NOTCH2NLR: variants seen among roughly 807,000 people sequenced by gnomAD.
NOTCH2NLR encodes notch 2 N-terminal like R (pseudogene).
A neutral mutation model predicts 35.6 loss-of-function variants in NOTCH2NLR; 33 were observed. That is an observed-to-expected ratio of 0.93 (90% CI 0.70 to 1.24). The LOEUF is 1.24. NOTCH2NLR is among the 50% of genes most tolerant of loss of function. NOTCH2NLR has a pLI of 0.00. For missense variants in NOTCH2NLR, 276 were observed against 362.2 expected (o/e 0.76, Z 1.93); for synonymous variants, 103 against 141.0 (o/e 0.73, Z 1.91).
At chr1:120,792,863 G>T (rs2101471118) in intron 3 of NOTCH2NLR, among the ~76,000 whole-genome samples, 1 of 58,222 alleles carries the variant, frequency 1.7e-5, no homozygotes, top group South Asian at 3.9e-4. Flanking sequence ...AGAGTAGATG[G>T]ATCCAGACTC....
In NOTCH2NLR at chr1:120,733,149, G is replaced by A. The variant is rs1195565734; in HGVS notation, c.73+8899G>A. The stretch of plus-strand genomic sequence containing the variant: ...TATATATATGTTTAGTTTATGAACA[G>A]ATCTACATATATATATATATGCACA... On this transcript the variant is annotated intron_variant, in intron 1 of 4. Coordinates refer to ENST00000624419, the Ensembl canonical transcript of NOTCH2NLR. 1.0e-4 allele frequency among the ~76,000 whole-genome samples: 11 copies of A among 104,822 alleles called. 5 individuals are homozygous for A. Among genetic ancestry groups the A allele is most frequent in the African/African-American group, 6.5e-4 (11 of 16,838 alleles). 68.8% of individuals were successfully genotyped at this position (104,822 alleles called of 152,430 possible). A position where few individuals can be genotyped will look rare whatever the true frequency, so the allele number is the denominator to read the frequency against.
At chr1:120,727,806 T>C (rs1650831850) in intron 1 of NOTCH2NLR, among the ~76,000 whole-genome samples, 1 of 117,346 alleles carries the variant, frequency 8.5e-6, no homozygotes, top group Admixed American at 8.1e-5. Context: ...TGTTTTTGTT[T>C]CCCCCCCTTT....
chr1:120,759,720 A>G lies in NOTCH2NLR; in HGVS notation c.74-3908A>G, dbSNP rs1209834180. 8.5e-4 allele frequency among the ~76,000 whole-genome samples: 96 copies of G among 113,172 alleles called. 17 individuals carry two copies. The highest frequency in any genetic ancestry group is 3.8e-3 in the Admixed American group (44 of 11,718). 74.2% of individuals were successfully genotyped at this position (113,172 alleles called of 152,430 possible). A position where few individuals can be genotyped will look rare whatever the true frequency, so the allele number is the denominator to read the frequency against. ...CTTTTTTTAAAAATTAGAATTGTCA[A>G]TTTATAGTTGTATACATTTATAGGG... is the stretch of plus-strand genomic sequence containing the variant. On this transcript the variant is annotated intron_variant, in intron 1 of 4. Coordinates refer to ENST00000624419, the Ensembl canonical transcript of NOTCH2NLR.
chr1:120,777,880 T>C lies in NOTCH2NLR; in HGVS notation c.156-7094T>C, dbSNP rs1323860009. ...AGCCCATCAGACCTCAGCCAGGAGG[T>C]ACTGAAAGGAGGGAGACCAGTGAGT... On this transcript the variant is annotated intron_variant, in intron 2 of 4. Coordinates refer to ENST00000624419, the Ensembl canonical transcript of NOTCH2NLR. 7.6e-5 allele frequency among the ~76,000 whole-genome samples: 8 copies of C among 105,218 alleles called. 3 individuals carry two copies. The highest frequency in any genetic ancestry group is 1.4e-4 in the Non-Finnish European group (8 of 56,864). 69.0% of individuals were successfully genotyped at this position (105,218 alleles called of 152,430 possible).
rs1651161164 is a variant in NOTCH2NLR at position 120,763,983 on chromosome 1, T to C, written c.155+274T>C. Reference sequence around the variant, plus strand: ...TATGGGGTAGACCAGGCATGGTGGCTCATGCTGGTAATCCCAGCACTTCAG... The same window carrying C: ...TATGGGGTAGACCAGGCATGGTGGCCCATGCTGGTAATCCCAGCACTTCAG... On this transcript the variant is annotated intron_variant, in intron 2 of 4. Transcript: ENST00000624419. Among the ~76,000 whole-genome samples, 3 of 114,206 alleles carry C rather than the reference T, an allele frequency of 2.6e-5. 1 individual carries two copies. 74.9% of individuals were successfully genotyped at this position (114,206 alleles called of 152,430 possible). A position where few individuals can be genotyped will look rare whatever the true frequency, so the allele number is the denominator to read the frequency against.
chr1:120,748,179 CAG>C (rs1354238061), intron 1 of NOTCH2NLR, among the ~76,000 whole-genome samples: 1 of 19,676 alleles, frequency 5.1e-5, no homozygotes, highest in African/African-American at 5.7e-4. Flanking sequence ...CTAGAAATGA[CAG>C]AGCAGTAGAA....
At chr1:120,770,522 A>G (rs1651251109) in intron 2 of NOTCH2NLR, among the ~76,000 whole-genome samples, 1 of 116,718 alleles carries the variant, frequency 8.6e-6, no homozygotes, top group East Asian at 2.1e-4. Context: ...CCTGATTCCT[A>G]TTAACAATTG....
At chr1:120,793,085 ATGTCAATGAGGTAT>A in intron 3 of NOTCH2NLR, 62 bp from the exon 4 acceptor site, 1 of 671,106 alleles carries the variant, frequency 1.5e-6, no homozygotes, top group Non-Finnish European at 2.5e-6. Flanking sequence ...GAGCTCGCTG[ATGTCAATGAGGTAT>A]TGAGGATGGG....
rs1358142813 is a variant in NOTCH2NLR, at chr1:120,756,067, A to AT, written c.74-7552dup. 2.2e-4 allele frequency among the ~76,000 whole-genome samples: 24 copies of AT among 108,036 alleles called. 4 individuals are homozygous for AT. The highest frequency in any genetic ancestry group is 3.1e-4 in the Non-Finnish European group (18 of 57,994). 70.9% of individuals were successfully genotyped at this position (108,036 alleles called of 152,430 possible). On this transcript the variant is annotated intron_variant, in intron 1 of 4. Transcript: ENST00000624419. ...TTCCGCACTTCTTCTGTTTGTTTGGATTTTTTTTTCATGGCTTGATCCCAA... is the reference window on the plus strand; with the variant it reads ...TTCCGCACTTCTTCTGTTTGTTTGGATTTTTTTTTTCATGGCTTGATCCCAA...
exon 5 of NOTCH2NLR, chr1:120,793,852 T>A: frequency 1.7e-6 from 1 of 587,396 alleles, no homozygotes; most frequent in Middle Eastern, 2.6e-4. Context: ...GTATGTGTGG[T>A]TAATAAAGTG....
chr1:120,791,401 T>C (rs1306429326), intron 3 of NOTCH2NLR, among the ~76,000 whole-genome samples: 1 of 108,454 alleles, frequency 9.2e-6, no homozygotes, highest in Non-Finnish European at 1.7e-5. Context: ...CCAGCCCAAA[T>C]GTCCATCAAT....
Position 120,766,628 on chromosome 1 carries a change from C to T in NOTCH2NLR, c.155+2919C>T, listed in dbSNP as rs1203766857. Among the ~76,000 whole-genome samples, 2 of 14,514 alleles carry T rather than the reference C, an allele frequency of 1.4e-4. 1 individual carries two copies. Among genetic ancestry groups the T allele is most frequent in the Non-Finnish European group, 2.2e-4 (2 of 9,108 alleles). The allele number at this position is 14,514 out of a possible 152,430, so 9.5% of individuals were successfully genotyped here. The stretch of plus-strand genomic sequence containing the variant: ...TTGCACCACTGCACTCCAGCCTGAG[C>T]GACAGAGCGAGACTGTGTTTCCAAA... On this transcript the variant is annotated intron_variant, in intron 2 of 4. Transcript: ENST00000624419.
intron 2 of NOTCH2NLR, among the ~76,000 whole-genome samples, chr1:120,770,731 T>C (rs1651254342): frequency 8.4e-6 from 1 of 119,252 alleles, no homozygotes; most frequent in Non-Finnish European, 1.6e-5. Context: ...AAATGTACTG[T>C]CACCTTGAGT....
chr1:120,724,816 C>T (rs1306003357), intron 1 of NOTCH2NLR, among the ~76,000 whole-genome samples: 3 of 94,640 alleles, frequency 3.2e-5, no homozygotes, highest in East Asian at 4.7e-4. Flanking sequence ...CCAACCCCAC[C>T]GAAAGTCCGG....
intron 2 of NOTCH2NLR, among the ~76,000 whole-genome samples, chr1:120,768,974 T>G (rs1651226049): frequency 1.0e-5 from 1 of 97,910 alleles, no homozygotes; most frequent in Non-Finnish European, 2.0e-5. Flanking sequence ...AGGTAAATTA[T>G]TATAAATATA....
Position 120,745,244 on chromosome 1 carries a change from G to T in NOTCH2NLR, c.74-18384G>T, listed in dbSNP as rs1267055228. Among the ~76,000 whole-genome samples the T allele has an allele frequency of 3.7e-5, 4 of 108,358 alleles. 1 individual carries two copies. Among genetic ancestry groups the T allele is most frequent in the Non-Finnish European group, 7.0e-5 (4 of 57,516 alleles). 71.1% of individuals were successfully genotyped at this position (108,358 alleles called of 152,430 possible). ...TAAACTGCAGATCATGACCACGAAT[G>T]GGTCATGAAACCAATTTGGTAGGTC... On this transcript the variant is annotated intron_variant, in intron 1 of 4. Transcript: ENST00000624419.
chr1:120,735,230 A>AT (rs1304605324), intron 1 of NOTCH2NLR, among the ~76,000 whole-genome samples: 1 of 54,410 alleles, frequency 1.8e-5, no homozygotes, highest in Non-Finnish European at 3.3e-5. Flanking sequence ...CGCCTGGCTA[A>AT]TTTTTTGTAG....
chr1:120,777,754 G>T (rs1651315056), intron 2 of NOTCH2NLR, among the ~76,000 whole-genome samples: 1 of 96,440 alleles, frequency 1.0e-5, no homozygotes, highest in Non-Finnish European at 1.9e-5. Flanking sequence ...CTCTTTACCA[G>T]GAAGTTAACT....
In NOTCH2NLR at chr1:120,727,422, G is replaced by A. The variant is rs1255045631; in HGVS notation, c.73+3172G>A. On this transcript the variant is annotated intron_variant, in intron 1 of 4. Coordinates refer to ENST00000624419, the Ensembl canonical transcript of NOTCH2NLR. ...AAGAATTTTAAAATTGCTAACATAA[G>A]AGATATAGAATATAATGTCATTTCT... Among the ~76,000 whole-genome samples the A allele has an allele frequency of 8.9e-4, 104 of 116,406 alleles. 43 individuals carry two copies. Among genetic ancestry groups the A allele is most frequent in the African/African-American group, 5.2e-3 (102 of 19,680 alleles). The allele number at this position is 116,406 out of a possible 152,430, so 76.4% of individuals were successfully genotyped here.
Sources: allele counts gnomAD v4.1 joint callset (sites outside exome capture counted in the v4.1 genomes callset), GRCh38; gene constraint gnomAD v4.1.1; transcripts MANE v1.5; gene names NCBI Gene and HGNC (gene_info 2026-07-23, HGNC 2026-07-21).